B4GALT5: variants seen among roughly 807,000 people sequenced by gnomAD.
The protein encoded by B4GALT5 is beta-1,4-galactosyltransferase 5, also known as UDP-Gal:beta-GlcNAc beta-1,4-galactosyltransferase 5.
B4GALT5 carries 11 observed loss-of-function variants against 45.0 expected under a neutral mutation model. The ratio of observed to expected loss-of-function variants is 0.24; its 90% CI spans 0.15 to 0.40. B4GALT5 has a LOEUF of 0.40. B4GALT5 is among the 10% of genes least tolerant of loss of function. B4GALT5 has a pLI of 1.00. For missense variants in B4GALT5, 337 were observed against 500.2 expected, an observed-to-expected ratio of 0.67 and a Z score of 3.11; for synonymous variants, 185 against 182.9, an observed-to-expected ratio of 1.01 and a Z score of -0.09.
chr20:49,673,450 G>T (rs1312638377), intron 1 of B4GALT5, among the ~76,000 whole-genome samples: 2 of 152,114 alleles, frequency 1.3e-5, no homozygotes, highest in Non-Finnish European at 2.9e-5. Flanking sequence ...TGTAGGACAT[G>T]CAATAATACT....
intron 1 of B4GALT5, among the ~76,000 whole-genome samples, chr20:49,682,241 A>T (rs1377205657): frequency 6.6e-6 from 1 of 152,240 alleles, no homozygotes; most frequent in African/African-American, 2.4e-5. Context: ...GTGTGAATAA[A>T]GCACTGCTGG....
At chr20:49,698,001 T>C (rs937193925) in intron 1 of B4GALT5, among the ~76,000 whole-genome samples, 2 of 152,210 alleles carry the variant, frequency 1.3e-5, no homozygotes, top group Admixed American at 6.6e-5. Flanking sequence ...TCCATTATAC[T>C]GTACTATTAA....
At chr20:49,664,421 T>TACACACACACACAAACACAC (rs2085679930) in intron 1 of B4GALT5, among the ~76,000 whole-genome samples, 1 of 128,822 alleles carries the variant, frequency 7.8e-6, no homozygotes, top group Admixed American at 7.9e-5. Flanking sequence ...GGTCTCCAAA[T>TACACACACACACAAACACAC]ACACACACAC....
At chr20:49,680,985 C>T (rs1002975978) in intron 1 of B4GALT5, among the ~76,000 whole-genome samples, 1 of 151,854 alleles carries the variant, frequency 6.6e-6, no homozygotes, top group Non-Finnish European at 1.5e-5. Context: ...TTTGGGGAGG[C>T]TGACGTGGGA....
chr20:49,677,555 T>C (rs878977227), intron 1 of B4GALT5, among the ~76,000 whole-genome samples: 1 of 152,216 alleles, frequency 6.6e-6, no homozygotes, highest in Admixed American at 6.5e-5. Context: ...GTAAAATGAA[T>C]ACATGAAAAC....
rs547878166 is a variant in B4GALT5 at position 49,638,529 on chromosome 20, G to A, written c.918-1087C>T. On this transcript the variant is annotated intron_variant, in intron 7 of 8. Coordinates refer to ENST00000371711, the MANE Select transcript of B4GALT5 (RefSeq NM_004776.4). ...AGCTTGTACAGTACAAGCCTTATGT[G>A]ATGGCGCAGCTAAATCTATGTAGAC... Among the ~76,000 whole-genome samples, 149 of 152,300 alleles carry A rather than the reference G, an allele frequency of 9.8e-4. 2 individuals carry two copies. The Middle Eastern group carries it at 0.01, about 10-fold the overall frequency.
At chr20:49,703,592 A>G (rs1205278901) in intron 1 of B4GALT5, among the ~76,000 whole-genome samples, 1 of 152,206 alleles carries the variant, frequency 6.6e-6, no homozygotes, top group East Asian at 1.9e-4. Flanking sequence ...GCTTTTATTT[A>G]AAACATACAG....
At chr20:49,643,922 CTTTTTTTTTTTT>C (rs138727530) in intron 3 of B4GALT5, among the ~76,000 whole-genome samples, 2 of 52,154 alleles carry the variant, frequency 3.8e-5, no homozygotes, top group Non-Finnish European at 3.3e-5. Flanking sequence ...AGTAGCTGAG[CTTTTTTTTTTTT>C]TTTTTTTTTT....
At chr20:49,657,232 G>A (rs1335462740) in intron 1 of B4GALT5, among the ~76,000 whole-genome samples, 1 of 152,166 alleles carries the variant, frequency 6.6e-6, no homozygotes, top group Non-Finnish European at 1.5e-5. Context: ...ACCCTTGGGA[G>A]ATTTGGAAAG....
chr20:49,708,969 T>C (rs2085896505), intron 1 of B4GALT5, among the ~76,000 whole-genome samples: 2 of 151,674 alleles, frequency 1.3e-5, no homozygotes, highest in African/African-American at 4.8e-5. Context: ...CATAAACAAT[T>C]ACCCCTAACC....
rs1456227917 is a variant in B4GALT5 at position 49,656,609 on chromosome 20, C to T, written c.209G>A (p.Arg70Gln). Residue 70 changes from arginine to glutamine, a missense_variant, in exon 2 of 9, where the codon CGG (arginine) becomes CAG (glutamine). This residue lies in a region of B4GALT5 where 174 missense variants were observed against 207.4 expected (regional missense o/e 0.84). Transcript: ENST00000371711. ...GCTGTTCCTCTTGGCATAAGCACTC[C>T]GAAGCACCTGCTCATAAACCTGAGC... ...IGAQVYEQVL[R>Q]SAYAKRNSSV... is the part of the protein sequence containing the mutation. 1 of 1,614,118 alleles carries T rather than the reference C, an allele frequency of 6.2e-7. No individual in the cohort carries two copies. Among genetic ancestry groups the T allele is most frequent in the Non-Finnish European group, 8.5e-7 (1 of 1,180,010 alleles).
At chr20:49,713,479 C>T in intron 1 of B4GALT5, 97 bp downstream of exon 1, 1 of 1,272,154 alleles carries the variant, frequency 7.9e-7, no homozygotes, top group Non-Finnish European at 1.1e-6. Context: ...AGGCTCAGGG[C>T]CGCCTCCCGG....
chr20:49,647,972 C>T (rs1292924849), intron 2 of B4GALT5, among the ~76,000 whole-genome samples: 1 of 152,154 alleles, frequency 6.6e-6, no homozygotes. Flanking sequence ...TTCCGTCTTG[C>T]CATTTATCTG....
intron 1 of B4GALT5, among the ~76,000 whole-genome samples, chr20:49,713,316 A>G (rs912170980): frequency 4.0e-5 from 6 of 149,138 alleles, no homozygotes; most frequent in African/African-American, 1.5e-4. Flanking sequence ...GCGTGAAGGT[A>G]CAGTCGGGTT....
rs2085932814 is a variant in B4GALT5, at chr20:49,713,768, G to GCCGCCA, written c.-84_-79dup. On this transcript the variant is annotated 5_prime_UTR_variant, in exon 1 of 9. Transcript: ENST00000371711. Reference sequence around the variant, plus strand: ...CCCGTCCGCCGCCTCCTGGGCCGCCGCCGCCACCGCCTGGGCCTCGGCCAC... The same window carrying GCCGCCA: ...CCCGTCCGCCGCCTCCTGGGCCGCCGCCGCCACCGCCACCGCCTGGGCCTCGGCCAC... The GCCGCCA allele has an allele frequency of 8.9e-6, 3 of 335,698 alleles. No homozygotes were observed. Among genetic ancestry groups the GCCGCCA allele is most frequent in the Admixed American group, 6.1e-5 (1 of 16,330 alleles). 20.8% of individuals were successfully genotyped at this position (335,698 alleles called of 1,614,324 possible).
chr20:49,647,403 C>T (rs757876623), intron 2 of B4GALT5, among the ~76,000 whole-genome samples: 10 of 152,210 alleles, frequency 6.6e-5, no homozygotes, highest in African/African-American at 1.9e-4. Flanking sequence ...GAACCACTTG[C>T]CCTTCTTTTG....
chr20:49,709,266 A>G (rs2085897735), intron 1 of B4GALT5, among the ~76,000 whole-genome samples: 1 of 152,202 alleles, frequency 6.6e-6, no homozygotes, highest in African/African-American at 2.4e-5. Flanking sequence ...ATATTTCAAC[A>G]TTGCAAATAA....
intron 1 of B4GALT5, among the ~76,000 whole-genome samples, chr20:49,667,255 GTT>G (rs2085695114): frequency 6.9e-6 from 1 of 145,510 alleles, no homozygotes. Flanking sequence ...GGCTTGTGTT[GTT>G]GTTGTTTTTT....
intron 1 of B4GALT5, among the ~76,000 whole-genome samples, chr20:49,702,899 C>T (rs981560961): frequency 2.0e-5 from 3 of 151,448 alleles, no homozygotes; most frequent in African/African-American, 4.9e-5. Flanking sequence ...ACTGGCCAGG[C>T]GCGGTGGCTC....
Sources: allele counts gnomAD v4.1 joint callset (sites outside exome capture counted in the v4.1 genomes callset), GRCh38; gene constraint gnomAD v4.1.1; regional missense constraint gnomAD v4.1.1; transcripts MANE v1.5; gene names NCBI Gene and HGNC (gene_info 2026-07-23, HGNC 2026-07-21).